ELAPOR1: variants seen among roughly 807,000 people sequenced by gnomAD.
ELAPOR1 encodes endosome/lysosome-associated apoptosis and autophagy regulator 1.
Under a neutral mutation model 119.7 loss-of-function variants are expected in ELAPOR1, and 77 were observed. The observed-to-expected ratio is 0.64, with a 90% CI of 0.54 to 0.78. The LOEUF (loss-of-function observed/expected upper bound fraction) is 0.78, where lower values mean the gene tolerates loss of function less well. Among genes scored for constraint, ELAPOR1 ranks in the 30% least tolerant of loss-of-function variants. The pLI is 0.00. For missense variants in ELAPOR1, 1,115 were observed against 1,270.4 expected (o/e 0.88, Z 1.86); for synonymous variants, 481 against 487.2 (o/e 0.99, Z 0.17).
chr1:109,144,061 A>ATATATATTTTTTTTTTTTTT, intron 1 of ELAPOR1, among the ~76,000 whole-genome samples: 13 of 88,984 alleles, frequency 1.5e-4, no homozygotes, highest in South Asian at 3.5e-4. Flanking sequence ...ATATTTATAT[A>ATATATATTTTTTTTTTTTTT]TTTTTTTTTT....
In ELAPOR1 at chr1:109,203,004, G is replaced by A; in HGVS notation, c.3034G>A (p.Asp1012Asn). Reference sequence around the variant, plus strand: ...GACATCCTCAGGAGGCCTAGACATGGACCTGTGAGAGGCACTGCCTGCCTC... The same window carrying A: ...GACATCCTCAGGAGGCCTAGACATGAACCTGTGAGAGGCACTGCCTGCCTC... The part of the protein sequence containing the change: ...LKTSSGGLDM[D>N]L Residue 1012 changes from aspartate (D) to asparagine (N), a missense_variant, in exon 22 of 22, where the codon GAC becomes AAC. Transcript: ENST00000369939. 1.2e-6 allele frequency: 2 copies of A among 1,611,484 alleles called. No individual in the cohort carries two copies.
chr1:109,152,372 C>T (rs1274495059), intron 1 of ELAPOR1, among the ~76,000 whole-genome samples: 3 of 152,140 alleles, frequency 2.0e-5, no homozygotes, highest in Non-Finnish European at 4.4e-5. Context: ...CAGATCCTGT[C>T]CCAGCCAAGA....
At chr1:109,195,061 G>A (rs1205018902) in intron 15 of ELAPOR1, among the ~76,000 whole-genome samples, 1 of 152,154 alleles carries the variant, frequency 6.6e-6, no homozygotes, top group Non-Finnish European at 1.5e-5. Flanking sequence ...AGTGAGCTGA[G>A]ATTGCGCCAT....
At chr1:109,127,215 CTTTT>C (rs371961969) in intron 1 of ELAPOR1, among the ~76,000 whole-genome samples, 1 of 129,042 alleles carries the variant, frequency 7.7e-6, no homozygotes. Flanking sequence ...TTTTTCTTTT[CTTTT>C]TTTTTTTTTT....
intron 1 of ELAPOR1, among the ~76,000 whole-genome samples, chr1:109,141,705 G>A (rs1227258349): frequency 6.6e-6 from 1 of 151,776 alleles, no homozygotes; most frequent in Non-Finnish European, 1.5e-5. Context: ...CTTGCTCTGT[G>A]CCCAGGCTGG....
intron 1 of ELAPOR1, among the ~76,000 whole-genome samples, chr1:109,132,923 T>C (rs1482823823): frequency 6.6e-6 from 1 of 151,462 alleles, no homozygotes; most frequent in Admixed American, 6.6e-5. Context: ...AAATAAAAAT[T>C]ATGGCAGAAA....
chr1:109,161,828 G>A, intron 1 of ELAPOR1, 66 bp from the exon 2 acceptor site: 3 of 1,556,934 alleles, frequency 1.9e-6, no homozygotes, highest in Non-Finnish European at 8.8e-7. Flanking sequence ...CTGGGAAGTG[G>A]GTGGGAAGCT....
intron 7 of ELAPOR1, among the ~76,000 whole-genome samples, chr1:109,182,464 C>T (rs151081299): frequency 3.4e-4 from 52 of 152,170 alleles, no homozygotes; most frequent in African/African-American, 1.2e-3. Flanking sequence ...ATTATTATTC[C>T]TGTTCTACAG....
rs575605284 is a variant in ELAPOR1, at chr1:109,185,247, C to T, written c.1041+114C>T. On this transcript the variant is annotated intron_variant, in intron 8 of 21. Coordinates refer to ENST00000369939, the MANE Select transcript of ELAPOR1 (RefSeq NM_020775.5). ...AATGACATTGGCACTAGTTAAAACC[C>T]CACAGACCTTTGAGGTGACCCTAGG... The T allele has an allele frequency of 3.7e-6, 3 of 819,518 alleles. No individual in the cohort carries two copies. The East Asian group carries it at 7.4e-5, about 20-fold the overall frequency. The allele number at this position is 819,518 out of a possible 1,614,324, so 50.8% of individuals were successfully genotyped here.
intron 1 of ELAPOR1, among the ~76,000 whole-genome samples, chr1:109,136,842 C>T (rs549769882): frequency 1.3e-5 from 2 of 152,158 alleles, no homozygotes; most frequent in Admixed American, 6.6e-5. Context: ...CACATTTAGA[C>T]GTTTAAGTCA....
At position 109,114,309 on chromosome 1, in the gene ELAPOR1, G is replaced by C. The variant is rs139816507; in HGVS notation, c.126G>C (p.Thr42=). ...AGTAFQVTQG[T]GPELHACKES... Reference sequence around the variant, plus strand: ...CCGCCTTCCAGGTGACCCAGGGAACGGGACCGGAGCTTCATGCCTGCAAAG... The same window carrying C: ...CCGCCTTCCAGGTGACCCAGGGAACCGGACCGGAGCTTCATGCCTGCAAAG... The change falls in exon 1 of 22, where the codon ACG becomes ACC. Residue 42 remains threonine (T), a synonymous_variant. Transcript: ENST00000369939. 23 of 1,600,068 alleles carry C rather than the reference G, an allele frequency of 1.4e-5. No individual in the cohort carries two copies. The South Asian group carries it at 1.6e-4, about 11-fold the overall frequency.
At chr1:109,201,698 C>T (rs1199472757) in intron 21 of ELAPOR1, among the ~76,000 whole-genome samples, 2 of 152,126 alleles carry the variant, frequency 1.3e-5, no homozygotes, top group African/African-American at 4.8e-5. Flanking sequence ...TAGGGAGACT[C>T]CCTTGGCCTC....
At chr1:109,186,687 A>C (rs1653070755) in intron 8 of ELAPOR1, 2 of 985,264 alleles carry the variant, frequency 2.0e-6, no homozygotes, top group South Asian at 9.4e-5. Context: ...GTCTCAGCCA[A>C]CTCACTAATA....
At chr1:109,158,352 C>T (rs1651020244) in intron 1 of ELAPOR1, among the ~76,000 whole-genome samples, 2 of 144,190 alleles carry the variant, frequency 1.4e-5, no homozygotes, top group South Asian at 2.2e-4. Context: ...CCATTCAATA[C>T]CTAGACAGTA....
At chr1:109,138,680 G>T (rs536891542) in intron 1 of ELAPOR1, among the ~76,000 whole-genome samples, 2 of 151,716 alleles carry the variant, frequency 1.3e-5, no homozygotes, top group Non-Finnish European at 2.9e-5. Flanking sequence ...CAATGACGGT[G>T]TCAGGTCCTG....
Position 109,191,745 on chromosome 1 carries a change from A to ATTTC in ELAPOR1, c.1565_1566insTTTC (p.Thr523PhefsTer21). On this transcript the variant is annotated frameshift_variant, in exon 13 of 22. Coordinates refer to ENST00000369939, the MANE Select transcript of ELAPOR1 (RefSeq NM_020775.5). LOFTEE classifies it high-confidence loss of function. ...GTTCAGGGTGTGAATTCTAGGACCA[A>ATTTC]CACTCCTGTGGAGACGTGGAAAGGT... 1 of 1,614,232 alleles carries ATTTC rather than the reference A, an allele frequency of 6.2e-7. No homozygotes were observed. Among genetic ancestry groups the ATTTC allele is most frequent in the Non-Finnish European group, 8.5e-7 (1 of 1,180,044 alleles).
chr1:109,194,658 GACAGAC>G, intron 15 of ELAPOR1, 64 bp downstream of exon 15: 1 of 1,496,982 alleles, frequency 6.7e-7, no homozygotes, highest in Non-Finnish European at 9.2e-7. Flanking sequence ...AGAAGCCAGA[GACAGAC>G]ACAGGAGAAA....
intron 1 of ELAPOR1, among the ~76,000 whole-genome samples, chr1:109,155,024 C>A (rs1650785524): frequency 6.6e-6 from 1 of 152,118 alleles, no homozygotes; most frequent in South Asian, 2.1e-4. Flanking sequence ...TTTATATCTC[C>A]TCCCCGTCCC....
chr1:109,115,205 AC>A (rs1195873121), intron 1 of ELAPOR1, among the ~76,000 whole-genome samples: 1 of 152,202 alleles, frequency 6.6e-6, no homozygotes, highest in African/African-American at 2.4e-5. Flanking sequence ...TATTGAAATA[AC>A]AATATTTGGT....
Sources: allele counts gnomAD v4.1 joint callset (sites outside exome capture counted in the v4.1 genomes callset), GRCh38; gene constraint gnomAD v4.1.1; transcripts MANE v1.5; gene names NCBI Gene and HGNC (gene_info 2026-07-23, HGNC 2026-07-21).